Variants in SIPA1L3 observed in about 807,000 individuals in gnomAD.
SIPA1L3 encodes the protein signal induced proliferation associated 1 like 3.
In SIPA1L3, 59 loss-of-function variants were observed where a neutral mutation model predicts 150.1. The ratio of observed to expected loss-of-function variants is 0.39; its 90% CI spans 0.32 to 0.49. SIPA1L3 has a LOEUF of 0.49. Ranked by LOEUF, SIPA1L3 falls within the 20% of genes least tolerant of loss-of-function variation. SIPA1L3 has a pLI of 0.86. For synonymous variants in SIPA1L3, 1,070 were observed against 1,077.6 expected, an observed-to-expected ratio of 0.99 and a Z score of 0.14; for missense variants, 2,211 against 2,489.5, an observed-to-expected ratio of 0.89 and a Z score of 2.38.
intron 1 of SIPA1L3, among the ~76,000 whole-genome samples, chr19:37,931,440 AGAG>A (rs1251576071): frequency 2.6e-5 from 4 of 152,248 alleles, no homozygotes; most frequent in African/African-American, 9.6e-5. Flanking sequence ...TCTTCTTACA[AGAG>A]GAGATCTAAA....
chr19:37,960,482 C>A (rs2046847805), intron 1 of SIPA1L3, among the ~76,000 whole-genome samples: 1 of 151,384 alleles, frequency 6.6e-6, no homozygotes, highest in Non-Finnish European at 1.5e-5. Context: ...TGGCTCACTG[C>A]AAGCTCCGCC....
intron 13 of SIPA1L3, among the ~76,000 whole-genome samples, chr19:38,157,797 A>G (rs535625044): frequency 5.3e-5 from 8 of 152,296 alleles, no homozygotes; most frequent in Non-Finnish European, 7.4e-5. Flanking sequence ...CATGCATTCA[A>G]CTGATGATGC....
At chr19:37,909,952 T>C (rs2046364578) in intron 1 of SIPA1L3, among the ~76,000 whole-genome samples, 4 of 145,308 alleles carry the variant, frequency 2.8e-5, no homozygotes. Flanking sequence ...TTTGCTAACC[T>C]GAAGAAGTAA....
At chr19:38,099,339 T>C (rs879543922) in intron 4 of SIPA1L3, among the ~76,000 whole-genome samples, 161 of 145,302 alleles carry the variant, frequency 1.1e-3, no homozygotes, top group Non-Finnish European at 1.9e-3. Context: ...CGCCTGGCCT[T>C]TTTTTTTTTT....
intron 1 of SIPA1L3, among the ~76,000 whole-genome samples, chr19:37,971,132 TTTTG>T (rs565725956): frequency 2.0e-4 from 31 of 152,178 alleles, no homozygotes; most frequent in East Asian, 5.8e-4. Context: ...CCATGCTTTT[TTTTG>T]TTTGTTTGTT....
In SIPA1L3 at chr19:38,206,191, A is replaced by AGCTGCGCAAGTTT; in HGVS notation, c.5300_5312dup (p.Glu1772AlafsTer46). On this transcript the variant is annotated frameshift_variant, in exon 22 of 22. Coordinates refer to ENST00000222345, the MANE Select transcript of SIPA1L3 (RefSeq NM_015073.3). LOFTEE classifies it high-confidence loss of function. ...GAGGAGTCGCAGGCCGCCAGCGAGC[A>AGCTGCGCAAGTTT]GCTGCGCAAGTTTGCGGAGATCTTC... 1 of 1,559,568 alleles carries AGCTGCGCAAGTTT rather than the reference A, an allele frequency of 6.4e-7. No individual in the cohort carries two copies. Among genetic ancestry groups the AGCTGCGCAAGTTT allele is most frequent in the Non-Finnish European group, 8.7e-7 (1 of 1,151,736 alleles).
At chr19:38,163,323 C>T (rs1222335230) in intron 14 of SIPA1L3, among the ~76,000 whole-genome samples, 1 of 152,026 alleles carries the variant, frequency 6.6e-6, no homozygotes, top group Non-Finnish European at 1.5e-5. Context: ...AACCCCGTCT[C>T]TACTAAAAAT....
intron 9 of SIPA1L3, 118 bp from the exon 10 acceptor site, chr19:38,130,380 G>T (rs1444895992): frequency 9.6e-7 from 1 of 1,039,150 alleles, no homozygotes; most frequent in Non-Finnish European, 1.4e-6. Context: ...ACCCGGGAAG[G>T]TATTAATAGA....
chr19:38,191,868 CA>C (rs2146043424), intron 16 of SIPA1L3, among the ~76,000 whole-genome samples: 1 of 152,326 alleles, frequency 6.6e-6, no homozygotes, highest in East Asian at 1.9e-4. Flanking sequence ...TGCATGTGTT[CA>C]GCGTGGGCCT....
intron 1 of SIPA1L3, among the ~76,000 whole-genome samples, chr19:37,992,725 T>G (rs1967541286): frequency 6.6e-6 from 1 of 152,070 alleles, no homozygotes; most frequent in Admixed American, 6.5e-5. Context: ...CCCTTTGGCC[T>G]TGAAAAGTGG....
rs757174020 is a variant in SIPA1L3 at position 38,018,415 on chromosome 19, C to T, written c.-378-10674C>T. ...CTGACCTCAGGTGATCTGCCCGCCT[C>T]GGCTAGGATTACAGGCGTGAGCCAC... On this transcript the variant is annotated intron_variant, in intron 1 of 21. Transcript: ENST00000222345. Among the ~76,000 whole-genome samples the T allele has an allele frequency of 9.9e-5, 15 of 152,116 alleles. No homozygotes were observed. In the South Asian group the frequency reaches 1.0e-3, roughly 11 times the overall value.
At chr19:38,197,109 G>A (rs771000393) in intron 18 of SIPA1L3, among the ~76,000 whole-genome samples, 120 of 152,236 alleles carry the variant, frequency 7.9e-4, no homozygotes, top group Non-Finnish European at 1.2e-3. Flanking sequence ...TCTTCCATGA[G>A]CAGAGATCAT....
At chr19:38,182,780 A>G (rs1326873868) in intron 16 of SIPA1L3, 40 bp downstream of exon 16, 6 of 1,501,726 alleles carry the variant, frequency 4.0e-6, no homozygotes, top group Non-Finnish European at 5.5e-6. Flanking sequence ...CGCCAGATCC[A>G]CACCAGGGCG....
intron 2 of SIPA1L3, among the ~76,000 whole-genome samples, chr19:38,069,190 G>A (rs954214445): frequency 2.6e-5 from 4 of 152,152 alleles, no homozygotes; most frequent in Non-Finnish European, 5.9e-5. Flanking sequence ...CTCAGCAGAG[G>A]GAGGAAAGGG....
chr19:37,994,633 G>A (rs1020079031), intron 1 of SIPA1L3, among the ~76,000 whole-genome samples: 8 of 152,278 alleles, frequency 5.3e-5, no homozygotes, highest in African/African-American at 1.7e-4. Flanking sequence ...TATCGCTAGC[G>A]CCTTCTCTTC....
At chr19:37,933,397 C>T (rs1002455919) in intron 1 of SIPA1L3, among the ~76,000 whole-genome samples, 3 of 152,128 alleles carry the variant, frequency 2.0e-5, no homozygotes, top group South Asian at 4.1e-4. Context: ...CCCTCACCCT[C>T]GCCCTTACTC....
At chr19:37,928,236 ATCTT>A (rs1041019034) in intron 1 of SIPA1L3, among the ~76,000 whole-genome samples, 19 of 152,146 alleles carry the variant, frequency 1.2e-4, no homozygotes, top group African/African-American at 4.3e-4. Flanking sequence ...CCAGAGCTGT[ATCTT>A]AACTCTAAAG....
chr19:38,006,195 C>T (rs1453634562), intron 1 of SIPA1L3, among the ~76,000 whole-genome samples: 1 of 151,770 alleles, frequency 6.6e-6, no homozygotes, highest in Non-Finnish European at 1.5e-5. Context: ...AGGGGTGAGT[C>T]CAGGGTAGGG....
At chr19:37,938,249 A>G (rs574990256) in intron 1 of SIPA1L3, among the ~76,000 whole-genome samples, 1 of 152,198 alleles carries the variant, frequency 6.6e-6, no homozygotes, top group Admixed American at 6.5e-5. Flanking sequence ...TTTTGTTTTC[A>G]GATTTTTTGC....
Sources: gnomAD v4.1 joint callset for allele counts (sites outside exome capture counted in the v4.1 genomes callset) on GRCh38, gnomAD v4.1.1 for gene constraint, MANE v1.5 for transcripts, NCBI Gene and HGNC (gene_info 2026-07-23, HGNC 2026-07-21) for gene names.